The following CELF2 variants were observed in gnomAD, a reference collection of about 807,000 sequenced individuals.
The protein encoded by CELF2 is CUGBP Elav-like family member 2.
In CELF2, 8 loss-of-function variants were observed where a neutral mutation model predicts 62.6. That is an observed-to-expected ratio of 0.13 (90% CI 0.07 to 0.23). The LOEUF (loss-of-function observed/expected upper bound fraction) is 0.23, where lower values mean the gene tolerates loss of function less well. Among genes scored for constraint, CELF2 ranks in the 10% least tolerant of loss-of-function variants. The probability of loss-of-function intolerance (pLI) is 1.00; values close to 1 mark genes in which losing one functional copy is unlikely to be tolerated. For synonymous variants in CELF2, 258 were observed against 250.0 expected, an observed-to-expected ratio of 1.03 and a Z score of -0.30; for missense variants, 333 against 671.0, an observed-to-expected ratio of 0.50 and a Z score of 5.56.
the CELF2 span, among the ~76,000 whole-genome samples, chr10:10,747,403 G>T: frequency 6.6e-6 from 1 of 152,156 alleles, no homozygotes; most frequent in South Asian, 2.1e-4. Context: ...AGCCAGTAAA[G>T]AAACGCACTT....
At chr10:10,536,240 G>A in the CELF2 span, among the ~76,000 whole-genome samples, 3 of 151,984 alleles carry the variant, frequency 2.0e-5, no homozygotes, top group South Asian at 2.1e-4. Flanking sequence ...GGATGGTCTC[G>A]ATCTCCTGAC....
the CELF2 span, among the ~76,000 whole-genome samples, chr10:10,710,979 T>C: frequency 5.3e-5 from 8 of 152,336 alleles, no homozygotes; most frequent in African/African-American, 1.9e-4. Context: ...GTTTTTCCTT[T>C]ATTCTTAATC....
At chr10:10,894,468 A>G (rs766575881) in intron 1 of CELF2, among the ~76,000 whole-genome samples, 1 of 152,200 alleles carries the variant, frequency 6.6e-6, no homozygotes, top group Non-Finnish European at 1.5e-5. Context: ...TCTGAAGTGG[A>G]TCCACTTTAT....
chr10:10,496,813 T>TG, the CELF2 span, among the ~76,000 whole-genome samples: 3 of 151,326 alleles, frequency 2.0e-5, no homozygotes, highest in African/African-American at 7.3e-5. Context: ...AGTTTGGGGG[T>TG]GTGGAGGTTC....
At chr10:10,595,706 G>C in the CELF2 span, among the ~76,000 whole-genome samples, 6 of 152,164 alleles carry the variant, frequency 3.9e-5, no homozygotes, top group African/African-American at 1.4e-4. Context: ...TTAAAAGTAG[G>C]TATAATGGTG....
chr10:10,862,097 T>C (rs2060074697), intron 1 of CELF2, among the ~76,000 whole-genome samples: 1 of 152,224 alleles, frequency 6.6e-6, no homozygotes, highest in Non-Finnish European at 1.5e-5. Flanking sequence ...ATGTATCATT[T>C]GCAAGGCTGT....
At chr10:11,026,243 G>T (rs896086910) in intron 1 of CELF2, among the ~76,000 whole-genome samples, 14 of 152,068 alleles carry the variant, frequency 9.2e-5, no homozygotes, top group Admixed American at 2.0e-4. Context: ...TGTTGAAAGG[G>T]GTCCTTGAAA....
intron 2 of CELF2, among the ~76,000 whole-genome samples, chr10:10,980,153 G>A (rs1365812989): frequency 1.3e-5 from 2 of 152,216 alleles, no homozygotes; most frequent in African/African-American, 4.8e-5. Flanking sequence ...AGCTTTAAAT[G>A]TCAAAGAATA....
the CELF2 span, among the ~76,000 whole-genome samples, chr10:10,649,349 C>A: frequency 1.3e-5 from 2 of 152,160 alleles, no homozygotes; most frequent in Non-Finnish European, 2.9e-5. Context: ...GCTGGGTTTT[C>A]TCTTTTGTAT....
chr10:11,307,860 C>T (rs1304700307), intron 9 of CELF2, among the ~76,000 whole-genome samples: 1 of 152,210 alleles, frequency 6.6e-6, no homozygotes, highest in Non-Finnish European at 1.5e-5. Context: ...CCCATGCCAG[C>T]CAACCTCCAT....
At chr10:10,668,651 A>G in the CELF2 span, among the ~76,000 whole-genome samples, 1 of 152,016 alleles carries the variant, frequency 6.6e-6, no homozygotes, top group Admixed American at 6.6e-5. Context: ...CTTTTCATTT[A>G]TTTTGTTCTT....
chr10:11,172,388 G>A (rs1011659193), intron 2 of CELF2, among the ~76,000 whole-genome samples: 2 of 152,178 alleles, frequency 1.3e-5, no homozygotes, highest in African/African-American at 2.4e-5. Context: ...ACATCATACA[G>A]CTATATTAAA....
chr10:11,076,679 A>G (rs1594725197), intron 1 of CELF2, among the ~76,000 whole-genome samples: 1 of 152,332 alleles, frequency 6.6e-6, no homozygotes, highest in Non-Finnish European at 1.5e-5. Context: ...CCTTTGGTGC[A>G]TACTAAAATG....
chr10:10,853,549 C>G (rs2059522063), intron 1 of CELF2, among the ~76,000 whole-genome samples: 2 of 151,920 alleles, frequency 1.3e-5, no homozygotes, highest in East Asian at 3.9e-4. Flanking sequence ...CTGGTAGGAA[C>G]AGGAGGCTGG....
At chr10:11,054,669 A>G (rs2064815256) in intron 1 of CELF2, among the ~76,000 whole-genome samples, 1 of 152,188 alleles carries the variant, frequency 6.6e-6, no homozygotes, top group Non-Finnish European at 1.5e-5. Flanking sequence ...GTCAAATGAA[A>G]GTCACGACAG....
the CELF2 span, among the ~76,000 whole-genome samples, chr10:10,652,035 A>G: frequency 6.7e-6 from 1 of 150,192 alleles, no homozygotes; most frequent in African/African-American, 2.5e-5. Context: ...AAAGGAGCTG[A>G]TGGAGCTGAA....
At position 11,110,726 on chromosome 10, in the gene CELF2, C is replaced by G. The variant is rs150044125; in HGVS notation, c.75-54760C>G. Among the ~76,000 whole-genome samples, 100 of 152,180 alleles carry G rather than the reference C, an allele frequency of 6.6e-4. 1 individual carries two copies. Among genetic ancestry groups the G allele is most frequent in the African/African-American group, 2.3e-3 (95 of 41,512 alleles). The stretch of plus-strand genomic sequence containing the variant: ...TCTCAGCAGTGCATCAACAAAGGCC[C>G]CTTTCTTCTGGAATTCCAGAGTACA... On this transcript the variant is annotated intron_variant, in intron 1 of 12. Transcript: ENST00000633077. This position sits in a 1 kb window ranked among gnomAD's most constrained non-coding sequence, Gnocchi z 4.0.
chr10:10,895,709 T>C (rs1018988821), intron 1 of CELF2, among the ~76,000 whole-genome samples: 1 of 152,134 alleles, frequency 6.6e-6, no homozygotes, highest in Non-Finnish European at 1.5e-5. Flanking sequence ...TCCTGTCTGA[T>C]GAAAAACCAA....
At chr10:11,210,107 T>C (rs527542541) in intron 2 of CELF2, among the ~76,000 whole-genome samples, 1 of 152,346 alleles carries the variant, frequency 6.6e-6, no homozygotes, top group East Asian at 1.9e-4. Flanking sequence ...TAAAGGAATT[T>C]CCTATTTACA....
Sources: allele counts gnomAD v4.1 joint callset (sites outside exome capture counted in the v4.1 genomes callset), GRCh38; gene constraint gnomAD v4.1.1; non-coding constraint Gnocchi (gnomAD v3.1); transcripts MANE v1.5; gene names NCBI Gene and HGNC (gene_info 2026-07-23, HGNC 2026-07-21).